NFKBIB: variants seen among roughly 807,000 people sequenced by gnomAD.
NFKBIB encodes NFKB inhibitor beta.
A neutral mutation model predicts 32.1 loss-of-function variants in NFKBIB; 16 were observed. The observed-to-expected ratio is 0.50, with a 90% CI of 0.34 to 0.76. NFKBIB has a LOEUF of 0.76. Ranked by LOEUF, NFKBIB falls within the 30% of genes least tolerant of loss-of-function variation. The probability of loss-of-function intolerance (pLI) is 0.01; values close to 1 mark genes in which losing one functional copy is unlikely to be tolerated. For missense variants in NFKBIB, 437 were observed against 514.9 expected, an observed-to-expected ratio of 0.85 and a Z score of 1.46; for synonymous variants, 222 against 219.5, an observed-to-expected ratio of 1.01 and a Z score of -0.10.
At position 38,908,784 on chromosome 19, in the gene NFKBIB, TC is replaced by T. The variant is rs1568417958; in HGVS notation, c.1026del (p.Thr343ProfsTer20). ...HSSRSQTRLP[P>X]TPASKPLPDD... ...GCAGCCGCAGCCAAACCCGGCTGCC[TC>T]CCACCCCAGCCTCAAAACCTCTTCC... On this transcript the variant is annotated frameshift_variant, in exon 6 of 6. Transcript: ENST00000313582. LOFTEE classifies it high-confidence loss of function. The T allele has an allele frequency of 6.2e-7, 1 of 1,613,666 alleles. No individual in the cohort carries two copies. The highest frequency in any genetic ancestry group is 8.5e-7 in the Non-Finnish European group (1 of 1,179,872).
intron 1 of NFKBIB, among the ~76,000 whole-genome samples, chr19:38,900,857 C>T (rs1191673001): frequency 2.6e-5 from 4 of 152,128 alleles, no homozygotes; most frequent in Non-Finnish European, 5.9e-5. Flanking sequence ...AACTTAAGCC[C>T]TTGTGGAGCA....
At chr19:38,903,129 A>ATATGACC (rs1974018599) in intron 1 of NFKBIB, among the ~76,000 whole-genome samples, 1 of 152,108 alleles carries the variant, frequency 6.6e-6, no homozygotes, top group Non-Finnish European at 1.5e-5. Flanking sequence ...AAGAGAAACC[A>ATATGACC]TATGACCTAC....
Position 38,907,554 on chromosome 19 carries a change from C to T in NFKBIB, c.864C>T (p.Ile288=). The T allele has an allele frequency of 6.2e-7, 1 of 1,612,534 alleles. No individual in the cohort carries two copies. ...LGSAMLRPNP[I]LARLLRAHGA... ...GTGCCATGCTCCGGCCCAACCCCATCCTCGCCCGCCTCCTCCGTGCACACG... is the reference window on the plus strand; with the variant it reads ...GTGCCATGCTCCGGCCCAACCCCATTCTCGCCCGCCTCCTCCGTGCACACG... Residue 288 remains isoleucine, a synonymous_variant, in exon 5 of 6, where the codon ATC becomes ATT. Coordinates refer to ENST00000313582, the MANE Select transcript of NFKBIB (RefSeq NM_002503.5).
In NFKBIB at chr19:38,905,670, C is replaced by A. The variant is rs17884677; in HGVS notation, c.619+135C>A. On this transcript the variant is annotated intron_variant, in intron 3 of 5. Transcript: ENST00000313582. This position sits in a 1 kb window ranked among gnomAD's most constrained non-coding sequence, Gnocchi z 5.5. ...GGCTTCAGGAGCCCACACATCGGGA[C>A]CAGGGACCTCCACTCAGGGCCCAGA... 3.5e-3 allele frequency: 2,314 copies of A among 665,502 alleles called. 41 individuals carry two copies. In the African/African-American group the frequency reaches 0.038, roughly 11 times the overall value. 41.2% of individuals were successfully genotyped at this position (665,502 alleles called of 1,614,324 possible).
chr19:38,906,461 T>G (rs1974122095), intron 3 of NFKBIB, among the ~76,000 whole-genome samples: 5 of 137,056 alleles, frequency 3.6e-5, no homozygotes, highest in Admixed American at 3.3e-4. Context: ...GAACCTTAAT[T>G]TAAGGTTTTT....
intron 1 of NFKBIB, among the ~76,000 whole-genome samples, chr19:38,904,424 C>T (rs964620654): frequency 7.2e-5 from 11 of 152,180 alleles, no homozygotes; most frequent in Non-Finnish European, 1.5e-4. Flanking sequence ...CCGTATTCTC[C>T]GGAATACACA....
chr19:38,907,951 G>C lies in NFKBIB; in HGVS notation c.969+292G>C. ...GAACACAGCGGGGGTGGGTGGTAGCGCTGGGGGTGATTTTAGGCAGCAAGA... is the reference window on the plus strand; with the variant it reads ...GAACACAGCGGGGGTGGGTGGTAGCCCTGGGGGTGATTTTAGGCAGCAAGA... On this transcript the variant is annotated intron_variant, in intron 5 of 5. Transcript: ENST00000313582. 5 of 1,246,534 alleles carry C rather than the reference G, an allele frequency of 4.0e-6. No individual in the cohort carries two copies. In the South Asian group the frequency reaches 1.4e-4, roughly 35 times the overall value. 77.2% of individuals were successfully genotyped at this position (1,246,534 alleles called of 1,614,324 possible).
chr19:38,901,871 T>C (rs1248534236), intron 1 of NFKBIB, among the ~76,000 whole-genome samples: 3 of 152,062 alleles, frequency 2.0e-5, no homozygotes, highest in African/African-American at 7.2e-5. Context: ...TGAACCACTG[T>C]GCCCAGACAG....
Position 38,907,462 on chromosome 19 carries a change from G to A in NFKBIB, c.772G>A (p.Glu258Lys). 1 of 1,609,850 alleles carries A rather than the reference G, an allele frequency of 6.2e-7. No homozygotes were observed. Among genetic ancestry groups the A allele is most frequent in the South Asian group, 1.1e-5 (1 of 90,952 alleles). Reference protein sequence around the residue: ...AVEAQAADVLELLLRAGANPA... With the variant: ...AVEAQAADVLKLLLRAGANPA... ...GGAGGCCCAGGCAGCCGATGTGCTG[G>A]AGCTTCTCCTGAGGGCAGGCGCGAA... is the stretch of plus-strand genomic sequence containing the variant. Residue 258 changes from glutamate (E) to lysine (K), a missense_variant, in exon 5 of 6, where the codon GAG (glutamate) becomes AAG (lysine). By Grantham distance (56) the Glu-to-Lys change is moderately conservative. Coordinates refer to ENST00000313582, the MANE Select transcript of NFKBIB (RefSeq NM_002503.5).
intron 3 of NFKBIB, 151 bp from the exon 4 acceptor site, chr19:38,907,070 C>T (rs564260989): frequency 1.4e-6 from 1 of 701,386 alleles, no homozygotes; most frequent in Non-Finnish European, 2.4e-6. Flanking sequence ...GCATTTGGTA[C>T]CCAGGTACCT....
chr19:38,902,971 A>G (rs1600143661), intron 1 of NFKBIB, among the ~76,000 whole-genome samples: 1 of 152,162 alleles, frequency 6.6e-6, no homozygotes, highest in East Asian at 1.9e-4. Flanking sequence ...GCTACTTGAG[A>G]GGCAGGAGAA....
chr19:38,907,507 G>C lies in NFKBIB; in HGVS notation c.817G>C (p.Gly273Arg). The C allele has an allele frequency of 6.2e-7, 1 of 1,612,594 alleles. No homozygotes were observed. The highest frequency in any genetic ancestry group is 8.5e-7 in the Non-Finnish European group (1 of 1,179,776). ...AGANPAARMY[G>R]GRTPLGSAML... ...CGCGAACCCTGCTGCCCGCATGTAC[G>C]GTGGCCGCACCCCACTCGGCAGTGC... is the stretch of plus-strand genomic sequence containing the variant. Residue 273 changes from glycine to arginine, a missense_variant, in exon 5 of 6, where the codon GGT becomes CGT. Coordinates refer to ENST00000313582, the MANE Select transcript of NFKBIB (RefSeq NM_002503.5).
At position 38,907,237 on chromosome 19, in the gene NFKBIB, C is replaced by A; in HGVS notation, c.636C>A (p.His212Gln). The change falls in exon 4 of 6, where the codon CAC becomes CAA. Residue 212 changes from histidine (H) to glutamine (Q), a missense_variant. By Grantham distance (24) the His-to-Gln change is conservative (BLOSUM62 0). Transcript: ENST00000313582. ...AENYEGHTPL[H>Q]VAVIHKDVEM... ...TGTCCCCAGGCCACACCCCACTCCA[C>A]GTGGCCGTTATCCACAAAGATGTGG... The A allele has an allele frequency of 6.2e-7, 1 of 1,612,808 alleles. No homozygotes were observed. Among genetic ancestry groups the A allele is most frequent in the Non-Finnish European group, 8.5e-7 (1 of 1,179,228 alleles).
intron 5 of NFKBIB, chr19:38,908,300 G>A: frequency 1.0e-6 from 1 of 983,240 alleles, no homozygotes; most frequent in Non-Finnish European, 1.2e-6. Context: ...CAGCACTTTG[G>A]GAGGCCGAGG....
chr19:38,907,921 T>C (rs985664039), intron 5 of NFKBIB: 15 of 1,342,136 alleles, frequency 1.1e-5, no homozygotes, highest in African/African-American at 8.8e-5. Context: ...GTCGCAGTGA[T>C]TGGTGAACAC....
chr19:38,899,984 C>G lies in NFKBIB; in HGVS notation c.-49C>G. 2 of 1,437,718 alleles carry G rather than the reference C, an allele frequency of 1.4e-6. No individual in the cohort carries two copies. Among genetic ancestry groups the G allele is most frequent in the Non-Finnish European group, 1.8e-6 (2 of 1,098,144 alleles). 89.1% of individuals were successfully genotyped at this position (1,437,718 alleles called of 1,614,324 possible). A position where few individuals can be genotyped will look rare whatever the true frequency, so the allele number is the denominator to read the frequency against. ...GGAAGCTCCAGAACTCCCGGCAAAG[C>G]CCAGCTACAGGCGGGCGACTGCGGG... On this transcript the variant is annotated 5_prime_UTR_variant, in exon 1 of 6. Coordinates refer to ENST00000313582, the MANE Select transcript of NFKBIB (RefSeq NM_002503.5).
At chr19:38,900,338 C>T (rs961490854) in intron 1 of NFKBIB, 127 bp downstream of exon 1, 68 of 1,035,384 alleles carry the variant, frequency 6.6e-5, no homozygotes, top group Admixed American at 4.1e-4. Context: ...AACTTCCTGA[C>T]CTCTAACCCC....
chr19:38,900,200 G>C lies in NFKBIB; in HGVS notation c.168G>C (p.Glu56Asp). Reference sequence around the variant, plus strand: ...CCCTCGTCTTCGGCTACGTCACTGAGGATGGGGACACGTGAGTGAACCTTA... The same window carrying C: ...CCCTCGTCTTCGGCTACGTCACTGACGATGGGGACACGTGAGTGAACCTTA... Reference protein sequence around the residue: ...WAPLVFGYVTEDGDTALHLAV... With the variant: ...WAPLVFGYVTDDGDTALHLAV... The change falls in exon 1 of 6, where the codon GAG becomes GAC. Residue 56 changes from glutamate (E) to aspartate (D), a missense_variant. Transcript: ENST00000313582. 2.5e-6 allele frequency: 4 copies of C among 1,602,016 alleles called. No homozygotes were observed. The highest frequency in any genetic ancestry group is 3.4e-6 in the Non-Finnish European group (4 of 1,176,118).
chr19:38,905,027 G>A lies in NFKBIB; in HGVS notation c.192G>A (p.Leu64=). Residue 64 remains leucine (L), a synonymous_variant, in exon 2 of 6, where the codon TTG becomes TTA. Coordinates refer to ENST00000313582, the MANE Select transcript of NFKBIB (RefSeq NM_002503.5). This position sits in a 1 kb window ranked among gnomAD's most constrained non-coding sequence, Gnocchi z 5.5. ...VTEDGDTALH[L]AVIHQHEPFL... ...TCTTTGTCCCCAGGGCACTGCACTT[G>A]GCTGTGATTCATCAGCATGAACCCT... is the stretch of plus-strand genomic sequence containing the variant. 1 of 1,614,114 alleles carries A rather than the reference G, an allele frequency of 6.2e-7. No individual in the cohort carries two copies. The highest frequency in any genetic ancestry group is 1.3e-5 in the African/African-American group (1 of 75,044).
Sources: gnomAD v4.1 joint callset for allele counts (sites outside exome capture counted in the v4.1 genomes callset) on GRCh38, gnomAD v4.1.1 for gene constraint, Gnocchi (gnomAD v3.1) non-coding constraint, MANE v1.5 for transcripts, NCBI Gene and HGNC (gene_info 2026-07-23, HGNC 2026-07-21) for gene names.